The following AKAP13 variants were observed in gnomAD, a reference collection of about 807,000 sequenced individuals.
AKAP13 encodes the protein A-kinase anchoring protein 13, also known as A-kinase anchor protein 13.
A neutral mutation model predicts 264.5 loss-of-function variants in AKAP13; 80 were observed. The ratio of observed to expected loss-of-function variants is 0.30; its 90% confidence interval spans 0.25 to 0.36. The LOEUF (loss-of-function observed/expected upper bound fraction) is 0.36. Among genes scored for constraint, AKAP13 ranks in the 10% least tolerant of loss-of-function variants. The pLI is 1.00. For synonymous variants in AKAP13, 1,380 were observed against 1,250.2 expected (o/e 1.10, Z -2.19); for missense variants, 3,712 against 3,435.2 (o/e 1.08, Z -2.01).
Position 85,744,690 on chromosome 15 carries a change from C to G in AKAP13, c.*13C>G, listed in dbSNP as rs1272667295. ...GATCTTCTGCTGACCCTCTTCCTCT[C>G]TGCTGAGGCAGCTGCCTCCTGATCC... On this transcript the variant is annotated 3_prime_UTR_variant, in exon 37 of 37. Coordinates refer to ENST00000394518, the MANE Select transcript of AKAP13 (RefSeq NM_007200.5). The G allele has an allele frequency of 1.3e-6, 2 of 1,593,642 alleles. No homozygotes were observed. The highest frequency in any genetic ancestry group is 1.3e-5 in the African/African-American group (1 of 74,204).
intron 10 of AKAP13, among the ~76,000 whole-genome samples, chr15:85,651,840 T>C (rs144552643): frequency 4.1e-4 from 62 of 152,346 alleles, no homozygotes; most frequent in African/African-American, 1.4e-3. Context: ...CTAAATAATA[T>C]CATTTCTCTT....
Position 85,722,336 on chromosome 15 carries a change from A to G in AKAP13, c.6485A>G (p.Gln2162Arg). ...CCAGTTTTATTCCAAAGAATATTGC[A>G]GTGTACCAAAGGTAAGTCTCCTTTC... ...KYPVLFQRIL[Q>R]CTKDNEVEQE... is the part of the protein sequence containing the mutation. The change falls in exon 25 of 37, where the codon CAG becomes CGG. Residue 2162 changes from glutamine (Q) to arginine (R), a missense_variant. Transcript: ENST00000394518. 1 of 1,610,566 alleles carries G rather than the reference A, an allele frequency of 6.2e-7. No individual in the cohort carries two copies. Among genetic ancestry groups the G allele is most frequent in the Non-Finnish European group, 8.5e-7 (1 of 1,178,332 alleles).
At chr15:85,649,337 C>A (rs2082698555) in intron 10 of AKAP13, among the ~76,000 whole-genome samples, 1 of 152,186 alleles carries the variant, frequency 6.6e-6, no homozygotes, top group Non-Finnish European at 1.5e-5. Context: ...CCCAAACCTG[C>A]TCTAATAGCC....
rs570278118 is a variant in AKAP13 at position 85,729,191 on chromosome 15, TAGGAGGCTGAGGC to T, written c.7088-1316_7088-1304del. The stretch of plus-strand genomic sequence containing the variant: ...GCACGTGCCTGTAATCCCAGCTACT[TAGGAGGCTGAGGC>T]AGGAGAATCGCTTGAACCCGGGAGG... On this transcript the variant is annotated intron_variant, in intron 29 of 36. Coordinates refer to ENST00000394518, the MANE Select transcript of AKAP13 (RefSeq NM_007200.5). 4.3e-3 allele frequency among the ~76,000 whole-genome samples: 650 copies of T among 151,788 alleles called. 4 individuals are homozygous for T. The highest frequency in any genetic ancestry group is 0.015 in the African/African-American group (625 of 41,410).
chr15:85,526,499 T>G (rs1254805181), intron 3 of AKAP13, among the ~76,000 whole-genome samples: 1 of 152,162 alleles, frequency 6.6e-6, no homozygotes, highest in Non-Finnish European at 1.5e-5. Context: ...CTCAAACTTC[T>G]GGTCTAAGTG....
chr15:85,601,285 G>A (rs2080056640), intron 8 of AKAP13, among the ~76,000 whole-genome samples: 2 of 152,116 alleles, frequency 1.3e-5, no homozygotes, highest in Non-Finnish European at 2.9e-5. Flanking sequence ...AACTTCATTA[G>A]CACATAGGTC....
chr15:85,684,389 C>G (rs2084780760), intron 15 of AKAP13: 1 of 165,534 alleles, frequency 6.0e-6, no homozygotes, highest in Admixed American at 6.4e-5. Flanking sequence ...TAGCAAGACC[C>G]CATCTCTACA....
In AKAP13 at chr15:85,533,795, C is replaced by T; in HGVS notation, c.393C>T (p.Ser131=). The T allele has an allele frequency of 6.2e-7, 1 of 1,613,952 alleles. No individual in the cohort carries two copies. The highest frequency in any genetic ancestry group is 8.5e-7 in the Non-Finnish European group (1 of 1,179,908). ...GACCCCCATCTGGGGATGTGAATTC[C>T]CTTGATAAGAAGTTGGTGCTGGCAT... ...QSGPPSGDVN[S]LDKKLVLAFR... is the part of the protein sequence containing the mutation. Residue 131 remains serine (S), a synonymous_variant, in exon 4 of 37, where the codon TCC becomes TCT. Transcript: ENST00000394518.
intron 1 of AKAP13, among the ~76,000 whole-genome samples, chr15:85,383,666 A>T (rs1478045496): frequency 6.6e-6 from 1 of 152,194 alleles, no homozygotes; most frequent in Non-Finnish European, 1.5e-5. Flanking sequence ...CTTCTCAGTC[A>T]CCTGTGAGTC....
In AKAP13 at chr15:85,399,538, AT is replaced by A. The variant is rs2071320479; in HGVS notation, c.-12+18741del. The stretch of plus-strand genomic sequence containing the variant: ...AAAAAAAAAATAAAAAAATAAAAAA[AT>A]AAATAAATAAATAAATAAAGTTTTA... On this transcript the variant is annotated intron_variant, in intron 1 of 36. Transcript: ENST00000394518. Among the ~76,000 whole-genome samples, 142 of 104,864 alleles carry A rather than the reference AT, an allele frequency of 1.4e-3. 1 individual carries two copies. The highest frequency in any genetic ancestry group is 2.9e-3 in the African/African-American group (89 of 30,500). The allele number at this position is 104,864 out of a possible 152,430, so 68.8% of individuals were successfully genotyped here.
At chr15:85,692,030 A>G (rs2085314791) in intron 16 of AKAP13, among the ~76,000 whole-genome samples, 1 of 152,072 alleles carries the variant, frequency 6.6e-6, no homozygotes, top group South Asian at 2.1e-4. Flanking sequence ...CCCTGTTGGT[A>G]TCTAGCTTGA....
chr15:85,669,619 A>G, intron 13 of AKAP13, 103 bp from the exon 14 acceptor site: 1 of 817,358 alleles, frequency 1.2e-6, no homozygotes, highest in African/African-American at 1.7e-5. Context: ...CCGCTTCTTC[A>G]CTGCCTTATT....
In AKAP13 at chr15:85,710,600, G is replaced by T. The variant is rs1361279026; in HGVS notation, c.5554G>T (p.Ala1852Ser). The change falls in exon 19 of 37, where the codon GCA becomes TCA. Residue 1852 changes from alanine (A) to serine (S), a missense_variant. Coordinates refer to ENST00000394518, the MANE Select transcript of AKAP13 (RefSeq NM_007200.5). ...TTAGCAGCCCAAAGGGAGCCTTCAG[G>T]CACATGACACATCATCACTGCCCAC... is the stretch of plus-strand genomic sequence containing the variant. ...KMKQPKGSLQ[A>S]HDTSSLPTVI... The T allele has an allele frequency of 9.9e-6, 16 of 1,613,772 alleles. No homozygotes were observed. Among genetic ancestry groups the T allele is most frequent in the Non-Finnish European group, 1.3e-5 (15 of 1,179,916 alleles).
chr15:85,528,732 A>G (rs1434956832), intron 3 of AKAP13, among the ~76,000 whole-genome samples: 2 of 152,122 alleles, frequency 1.3e-5, no homozygotes, highest in African/African-American at 4.8e-5. Context: ...CTCCCACCCC[A>G]TAATTTATAT....
chr15:85,420,798 A>T (rs1269147399), intron 1 of AKAP13, among the ~76,000 whole-genome samples: 1 of 152,154 alleles, frequency 6.6e-6, no homozygotes, highest in Non-Finnish European at 1.5e-5. Context: ...TTACTTTTTC[A>T]TTGGAAAAAA....
chr15:85,522,935 C>G (rs1054885853), intron 3 of AKAP13, among the ~76,000 whole-genome samples: 4 of 137,898 alleles, frequency 2.9e-5, no homozygotes, highest in African/African-American at 1.1e-4. Flanking sequence ...CACACCCCCT[C>G]CCCCCGTCGC....
At chr15:85,509,204 C>T (rs779150644) in intron 2 of AKAP13, among the ~76,000 whole-genome samples, 1 of 152,272 alleles carries the variant, frequency 6.6e-6, no homozygotes, top group East Asian at 1.9e-4. Flanking sequence ...TATCAGGGGT[C>T]TGTAGCTATT....
At chr15:85,630,210 TCATG>T (rs2081671299) in intron 8 of AKAP13, among the ~76,000 whole-genome samples, 4 of 11,946 alleles carry the variant, frequency 3.3e-4, no homozygotes, top group Non-Finnish European at 3.5e-4. Flanking sequence ...CACACACACA[TCATG>T]AACTAAGATG....
At chr15:85,701,232 T>A (rs1597108788) in intron 17 of AKAP13, 1 of 152,160 alleles carries the variant, frequency 6.6e-6, no homozygotes, top group African/African-American at 2.4e-5. Flanking sequence ...TGGAGGCACG[T>A]TATTTCATGA....
Sources: allele counts gnomAD v4.1 joint callset (sites outside exome capture counted in the v4.1 genomes callset), GRCh38; gene constraint gnomAD v4.1.1; transcripts MANE v1.5; gene names NCBI Gene and HGNC (gene_info 2026-07-23, HGNC 2026-07-21).